Variants in ADCY4 observed in about 807,000 individuals in gnomAD.
The protein encoded by ADCY4 is adenylate cyclase type 4.
ADCY4 carries 111 observed loss-of-function variants against 125.5 expected under a neutral mutation model. The observed-to-expected ratio is 0.88, with a 90% confidence interval of 0.76 to 1.04. The LOEUF is 1.04. ADCY4 is among the 50% of genes least tolerant of loss of function. ADCY4 has a pLI of 0.00. For missense variants in ADCY4, 1,256 were observed against 1,382.9 expected (o/e 0.91, Z 1.46); for synonymous variants, 576 against 586.9 (o/e 0.98, Z 0.27).
rs1326359334 is a variant in ADCY4 at position 24,331,366 on chromosome 14, G to T, written c.670-10C>A. On this transcript the variant is annotated splice_polypyrimidine_tract_variant and intron_variant, in intron 4 of 24. Transcript: ENST00000418030. ...ACAAGAGAAGGTGTTCCTGGAAGAG[G>T]TCACCATGAACACCAACTCTTCTGC... 1.9e-6 allele frequency: 3 copies of T among 1,613,372 alleles called. No homozygotes were observed. Among genetic ancestry groups the T allele is most frequent in the African/African-American group, 2.7e-5 (2 of 75,048 alleles).
At chr14:24,330,321 G>T in intron 6 of ADCY4, 26 bp from the exon 7 acceptor site, 1 of 1,613,434 alleles carries the variant, frequency 6.2e-7, no homozygotes, top group South Asian at 1.1e-5. Context: ...TGGGTGTGCA[G>T]AGGAACCTGG....
rs1214691454 is a variant in ADCY4 at position 24,319,799 on chromosome 14, A to T, written c.2676T>A (p.Asn892Lys). 1 of 1,614,116 alleles carries T rather than the reference A, an allele frequency of 6.2e-7. No homozygotes were observed. The highest frequency in any genetic ancestry group is 8.5e-7 in the Non-Finnish European group (1 of 1,180,022). ...FKEFYSESNINHEGLECLRLL... is the reference protein window; with the variant it reads ...FKEFYSESNIKHEGLECLRLL... ...GCCTCAGACACTCTAGGCCCTCATG[A>T]TTGATGTTGGATTCAGAGTAGAACT... Residue 892 changes from asparagine (N) to lysine (K), a missense_variant, in exon 21 of 25, where the codon AAT becomes AAA. Transcript: ENST00000418030. The surrounding 1 kb of genome is among the most constrained non-coding windows in gnomAD (Gnocchi z 4.5).
At position 24,322,704 on chromosome 14, in the gene ADCY4, C is replaced by A. The variant is rs138793347; in HGVS notation, c.2347G>T (p.Gly783Ter). 1.2e-6 allele frequency: 2 copies of A among 1,613,786 alleles called. No individual in the cohort carries two copies. Among genetic ancestry groups the A allele is most frequent in the African/African-American group, 1.3e-5 (1 of 74,932 alleles). The part of the protein sequence containing the change: ...LYLGPLDSRP[G>*]VLKEPKLMGA... ...ATCAGTTTGGGCTCCTTCAGCACTC[C>A]GGGCCTGAAGGGGCCATGGATCAGG... The change falls in exon 19 of 25, where the codon GGA becomes TGA. Residue 783 changes from glycine to a stop codon, truncating the protein, a stop_gained. Transcript: ENST00000418030. LOFTEE classifies it high-confidence loss of function.
Position 24,322,118 on chromosome 14 carries a change from A to G in ADCY4, c.2534T>C (p.Val845Ala). 2 of 1,614,102 alleles carry G rather than the reference A, an allele frequency of 1.2e-6. No homozygotes were observed. Among genetic ancestry groups the G allele is most frequent in the Non-Finnish European group, 1.7e-6 (2 of 1,179,994 alleles). ...ENLTRLLLEN[V>A]LPAHVAPQFI... The stretch of plus-strand genomic sequence containing the variant: ...CTGGGGGGCCACGTGTGCAGGGAGC[A>G]CGTTCTCCAAGAGCAGCCGAGTCAG... The change falls in exon 20 of 25, where the codon GTG (valine) becomes GCG (alanine). Residue 845 changes from valine (V) to alanine (A), a missense_variant. Val to Ala is a moderately conservative substitution (Grantham distance 64). Coordinates refer to ENST00000418030, the MANE Select transcript of ADCY4 (RefSeq NM_001198568.2).
intron 10 of ADCY4, among the ~76,000 whole-genome samples, chr14:24,327,099 G>C (rs1258932270): frequency 2.0e-5 from 3 of 152,048 alleles, no homozygotes; most frequent in Non-Finnish European, 4.4e-5. Context: ...GTTTCGCCAT[G>C]TTGGCCGGGC....
At chr14:24,324,420 A>G in intron 14 of ADCY4, 29 bp from the exon 15 acceptor site, 1 of 1,589,748 alleles carries the variant, frequency 6.3e-7, no homozygotes. Context: ...GAGGCCTTGA[A>G]GTGCCAGAAC....
Position 24,328,506 on chromosome 14 carries a change from G to A in ADCY4, c.1524+555C>T, listed in dbSNP as rs2041986585. 4 of 155,660 alleles carry A rather than the reference G, an allele frequency of 2.6e-5. No individual in the cohort carries two copies. In the South Asian group the frequency reaches 5.1e-4, roughly 20 times the overall value. 9.6% of individuals were successfully genotyped at this position (155,660 alleles called of 1,614,324 possible). On this transcript the variant is annotated intron_variant, in intron 10 of 24. Coordinates refer to ENST00000418030, the MANE Select transcript of ADCY4 (RefSeq NM_001198568.2). ...AATGGTGTAAGCTGTCTTTCTCTTT[G>A]TCTCCTCTCCCTCTCTGCCTCGGCT...
At chr14:24,324,468 G>A (rs2041909005) in intron 14 of ADCY4, 77 bp from the exon 15 acceptor site, 2 of 1,494,958 alleles carry the variant, frequency 1.3e-6, no homozygotes, top group East Asian at 4.6e-5. Context: ...GTGTGAGCTG[G>A]GTGGGAGATA....
chr14:24,332,781 C>T lies in ADCY4; in HGVS notation c.357+10G>A, dbSNP rs1241101951. The T allele has an allele frequency of 6.5e-7, 1 of 1,540,550 alleles. No homozygotes were observed. The highest frequency in any genetic ancestry group is 2.0e-5 in the Admixed American group (1 of 50,264). On this transcript the variant is annotated intron_variant, in intron 2 of 24. Transcript: ENST00000418030. The stretch of plus-strand genomic sequence containing the variant: ...GCCGTCCCCGCTGCCCCGCCTGCCG[C>T]CCCTCTCACCTGGTCCCAGGCGCTC...
At chr14:24,321,540 A>C (rs2041851924) in intron 20 of ADCY4, among the ~76,000 whole-genome samples, 1 of 152,224 alleles carries the variant, frequency 6.6e-6, no homozygotes, top group Non-Finnish European at 1.5e-5. Context: ...ATTACTTTTA[A>C]TGGCAAAAAC....
intron 20 of ADCY4, among the ~76,000 whole-genome samples, chr14:24,321,074 G>A (rs1378589798): frequency 6.7e-6 from 1 of 148,900 alleles, no homozygotes; most frequent in African/African-American, 2.5e-5. Flanking sequence ...TTAGGTTGGT[G>A]CAAAATTAAT....
chr14:24,318,923 A>T (rs1029520925), intron 23 of ADCY4, 145 bp from the exon 24 acceptor site: 3 of 1,419,328 alleles, frequency 2.1e-6, no homozygotes, highest in Non-Finnish European at 2.9e-6. Flanking sequence ...AGCTTAAGAA[A>T]AAGAGTGGGA....
chr14:24,330,886 A>C, intron 6 of ADCY4, 132 bp downstream of exon 6: 3 of 745,404 alleles, frequency 4.0e-6, no homozygotes, highest in Non-Finnish European at 6.5e-6. Context: ...TCCTCCTTCC[A>C]CTGGAATATC....
At position 24,332,525 on chromosome 14, in the gene ADCY4, C is replaced by G; in HGVS notation, c.516G>C (p.Pro172=). The G allele has an allele frequency of 6.4e-7, 1 of 1,564,336 alleles. No homozygotes were observed. Among genetic ancestry groups the G allele is most frequent in the Non-Finnish European group, 8.7e-7 (1 of 1,154,498 alleles). Residue 172 remains proline (P), a synonymous_variant, in exon 3 of 25, where the codon CCG becomes CCC. Coordinates refer to ENST00000418030, the MANE Select transcript of ADCY4 (RefSeq NM_001198568.2). ...PQPDSRPALL[P]QLAANAVLFL... ...CCTGTGCTACTTGCGTGCTCACCTG[C>G]GGCAGCAGTGCAGGCCGTGAGTCCG...
chr14:24,323,168 TCCCAGG>T (rs1231086407), intron 17 of ADCY4, 80 bp from the exon 18 acceptor site: 5 of 1,518,178 alleles, frequency 3.3e-6, no homozygotes, highest in Admixed American at 3.9e-5. Context: ...TTCCTGTCCC[TCCCAGG>T]CCCAGGTCCT....
At position 24,331,265 on chromosome 14, in the gene ADCY4, C is replaced by G; in HGVS notation, c.761G>C (p.Arg254Pro). ...MARLQAGQGSRPESTNNFHSL... is the reference protein window; with the variant it reads ...MARLQAGQGSPPESTNNFHSL... ...GTGGAAATTGTTAGTGCTCTCTGGC[C>G]GTGACCCCTGTCCTGCCTGCAGCCG... The change falls in exon 5 of 25, where the codon CGG becomes CCG. Residue 254 changes from arginine (R) to proline (P), a missense_variant. Coordinates refer to ENST00000418030, the MANE Select transcript of ADCY4 (RefSeq NM_001198568.2). 1.2e-6 allele frequency: 2 copies of G among 1,614,178 alleles called. No individual in the cohort carries two copies. Among genetic ancestry groups the G allele is most frequent in the Non-Finnish European group, 8.5e-7 (1 of 1,180,030 alleles).
chr14:24,324,119 TCTC>T lies in ADCY4; in HGVS notation c.1986_1988del (p.Arg663del). 1 of 1,614,226 alleles carries T rather than the reference TCTC, an allele frequency of 6.2e-7. No individual in the cohort carries two copies. Among genetic ancestry groups the T allele is most frequent in the Non-Finnish European group, 8.5e-7 (1 of 1,180,034 alleles). On this transcript the variant is annotated inframe_deletion, in exon 16 of 25. Transcript: ENST00000418030. ...GGATGGTGGCGGTGCCCAAGGCTAT[TCTC>T]AGTCCTGGTCGTGTGGCCACCAGGC...
At chr14:24,324,841 T>C (rs1157553153) in intron 14 of ADCY4, among the ~76,000 whole-genome samples, 3 of 152,204 alleles carry the variant, frequency 2.0e-5, no homozygotes, top group East Asian at 3.9e-4. Flanking sequence ...GTAGCTGGGA[T>C]TACAGGCGCC....
chr14:24,318,820 G>A (rs1202004052), intron 23 of ADCY4, 42 bp from the exon 24 acceptor site: 1 of 1,612,446 alleles, frequency 6.2e-7, no homozygotes, highest in East Asian at 2.2e-5. Context: ...AGAAGGAAGA[G>A]GGGAAGAGGA....
Sources: gnomAD v4.1 joint callset for allele counts (sites outside exome capture counted in the v4.1 genomes callset) on GRCh38, gnomAD v4.1.1 for gene constraint, Gnocchi (gnomAD v3.1) non-coding constraint, MANE v1.5 for transcripts, NCBI Gene and HGNC (gene_info 2026-07-23, HGNC 2026-07-21) for gene names.